The following SYN1 variants were observed in gnomAD, a reference collection of about 807,000 sequenced individuals.
SYN1 encodes synapsin-1.
SYN1 carries 8 observed loss-of-function variants against 44.6 expected under a neutral mutation model. The ratio of observed to expected loss-of-function variants is 0.18; its 90% CI spans 0.11 to 0.32. The LOEUF is 0.32. SYN1 is among the 10% of genes least tolerant of loss of function. SYN1 has a pLI of 1.00. For synonymous variants in SYN1, 275 were observed against 280.1 expected, an observed-to-expected ratio of 0.98 and a Z score of 0.18; for missense variants, 451 against 639.4, an observed-to-expected ratio of 0.71 and a Z score of 3.18.
intron 1 of SYN1, among the ~76,000 whole-genome samples, chrX:47,610,833 A>C (rs775180606): frequency 1.8e-5 from 2 of 111,738 alleles, no homozygotes; most frequent in African/African-American, 6.5e-5. Context: ...GGGCTCAAAG[A>C]AGCAGACATG....
rs772106134 is a variant in SYN1 at position 47,574,760 on chromosome X, C to T, written c.1321G>A (p.Ala441Thr). ...GSHGQTPSPG[A>T]LPLGRQTSQQ... ...GAGGTCTGGCGGCCCAAGGGCAGGG[C>T]CCCTGGGGACGGAGTCTGCGGCAGA... The change falls in exon 11 of 13, where the codon GCC (alanine) becomes ACC (threonine). Residue 441 changes from alanine (A) to threonine (T), a missense_variant. Coordinates refer to ENST00000295987, the MANE Select transcript of SYN1 (RefSeq NM_006950.3). 29 of 1,186,628 alleles carry T rather than the reference C, an allele frequency of 2.4e-5. 1 individual carries two copies. The South Asian group carries it at 5.0e-4, about 20-fold the overall frequency.
At chrX:47,605,421 G>A in intron 3 of SYN1, 42 bp from the exon 4 acceptor site, 2 of 1,199,812 alleles carry the variant, frequency 1.7e-6, no homozygotes, top group Non-Finnish European at 2.3e-6. Flanking sequence ...TCCCCCAGAA[G>A]CTCCCAATCA....
rs201072961 is a variant in SYN1 at position 47,586,696 on chromosome X, T to C, written c.775-9195A>G. On this transcript the variant is annotated intron_variant, in intron 5 of 12. Transcript: ENST00000295987. Reference sequence around the variant, plus strand: ...CTGCGGTCCCAGATAGCCTGAATCCTGCCCGGAGTGGAAGCTGAAGCCTGC... The same window carrying C: ...CTGCGGTCCCAGATAGCCTGAATCCCGCCCGGAGTGGAAGCTGAAGCCTGC... The C allele has an allele frequency of 1.5e-4, 178 of 1,205,355 alleles. No individual in the cohort carries two copies. In the East Asian group the frequency reaches 3.7e-3, roughly 25 times the overall value.
At chrX:47,589,378 G>T (rs2057839703) in intron 5 of SYN1, among the ~76,000 whole-genome samples, 1 of 108,093 alleles carries the variant, frequency 9.3e-6, no homozygotes, top group African/African-American at 3.4e-5. Flanking sequence ...CAGATCACGA[G>T]GTCAGGAGAT....
intron 5 of SYN1, chrX:47,585,873 A>C (rs1379507258): frequency 8.8e-7 from 1 of 1,140,525 alleles, no homozygotes; most frequent in South Asian, 1.9e-5. Context: ...CCCTGTGTCC[A>C]ATACCGTGTG....
intron 1 of SYN1, among the ~76,000 whole-genome samples, chrX:47,613,799 TA>T (rs1226140557): frequency 3.0e-4 from 33 of 111,791 alleles, no homozygotes; most frequent in African/African-American, 1.0e-3. Context: ...CAGCCACAGC[TA>T]AGATCCCAGG....
At chrX:47,611,670 C>T (rs1033734192) in intron 1 of SYN1, among the ~76,000 whole-genome samples, 5 of 111,712 alleles carry the variant, frequency 4.5e-5, no homozygotes, top group African/African-American at 1.6e-4. Context: ...GAATAGCACA[C>T]TGGACCACCA....
In SYN1 at chrX:47,575,078, C is replaced by T. The variant is rs1434236236; in HGVS notation, c.1305+50G>A. On this transcript the variant is annotated intron_variant, in intron 10 of 12. Coordinates refer to ENST00000295987, the MANE Select transcript of SYN1 (RefSeq NM_006950.3). ...TTCATGGCACAGCATGACCCAGGGC[C>T]GGCCTCCCCACACTAGCTCAAGCCA... The T allele has an allele frequency of 9.4e-6, 11 of 1,166,465 alleles. No individual in the cohort carries two copies. In the East Asian group the frequency reaches 9.7e-5, roughly 10 times the overall value.
intron 5 of SYN1, among the ~76,000 whole-genome samples, chrX:47,580,630 TA>T (rs775907262): frequency 2.5e-3 from 205 of 80,974 alleles, no homozygotes; most frequent in Middle Eastern, 9.1e-3. Flanking sequence ...AAACTCTGTC[TA>T]AAAAAAAAAA....
chrX:47,592,983 T>G (rs192149084), intron 5 of SYN1, among the ~76,000 whole-genome samples: 1,224 of 110,215 alleles, frequency 0.011, 12 homozygotes, highest in South Asian at 0.014. Flanking sequence ...TAAGTGATCC[T>G]CCCGCCTCAG....
rs942079382 is a variant in SYN1, at chrX:47,619,335, C to T, written c.377+17G>A. On this transcript the variant is annotated intron_variant, in intron 1 of 12. Coordinates refer to ENST00000295987, the MANE Select transcript of SYN1 (RefSeq NM_006950.3). ...GGGGACCCAGGCCCACGGGAGACGT[C>T]CGCGGCAGTGGCTTACCAGTCGGTG... 7.5e-6 allele frequency: 9 copies of T among 1,199,424 alleles called. No individual in the cohort carries two copies. Among genetic ancestry groups the T allele is most frequent in the Non-Finnish European group, 1.0e-5 (9 of 894,154 alleles).
At chrX:47,606,825 A>T in intron 3 of SYN1, 120 bp downstream of exon 3, 1 of 725,169 alleles carries the variant, frequency 1.4e-6, no homozygotes, top group Non-Finnish European at 2.1e-6. Context: ...GTCTCCCCAC[A>T]TTCCATGCCT....
In SYN1 at chrX:47,606,952, C is replaced by T. The variant is rs773865811; in HGVS notation, c.520G>A (p.Val174Ile). ...DMEVLRNGVKVVRSLKPDFVL... is the reference protein window; with the variant it reads ...DMEVLRNGVKIVRSLKPDFVL... The stretch of plus-strand genomic sequence containing the variant: ...TACCCTTCTTATACTCACCGCACGA[C>T]CTTCACCCCATTCCGAAGAACTTCC... The change falls in exon 3 of 13, where the codon GTC (valine) becomes ATC (isoleucine). Residue 174 changes from valine (V) to isoleucine (I), a missense_variant. Transcript: ENST00000295987. 1 of 1,209,595 alleles carries T rather than the reference C, an allele frequency of 8.3e-7. No individual in the cohort carries two copies. Among genetic ancestry groups the T allele is most frequent in the Non-Finnish European group, 1.1e-6 (1 of 894,353 alleles).
intron 5 of SYN1, among the ~76,000 whole-genome samples, chrX:47,602,202 G>A (rs2057881861): frequency 8.9e-6 from 1 of 112,121 alleles, no homozygotes; most frequent in Admixed American, 9.5e-5. Flanking sequence ...GGTACAGGGC[G>A]TTTAAGTAAC....
At chrX:47,618,816 T>C in intron 1 of SYN1, among the ~76,000 whole-genome samples, 2 of 111,680 alleles carry the variant, frequency 1.8e-5, no homozygotes, top group Non-Finnish European at 3.8e-5. Context: ...GTGGGACACA[T>C]AGCATAGACT....
At chrX:47,575,682 C>T (rs1216027496) in intron 9 of SYN1, among the ~76,000 whole-genome samples, 1 of 112,256 alleles carries the variant, frequency 8.9e-6, no homozygotes, top group Non-Finnish European at 1.9e-5. Flanking sequence ...TCTATGGCTG[C>T]TTTTGCAGAG....
In SYN1 at chrX:47,619,404, C is replaced by T. The variant is rs757083247; in HGVS notation, c.325G>A (p.Gly109Arg). The change falls in exon 1 of 13, where the codon GGG becomes AGG. Residue 109 changes from glycine (G) to arginine (R), a missense_variant. This residue lies in a region of SYN1 where 315 missense variants were observed against 451.4 expected (regional missense o/e 0.70). Coordinates refer to ENST00000295987, the MANE Select transcript of SYN1 (RefSeq NM_006950.3). The part of the protein sequence containing the change: ...VGGGSGGAGR[G>R]GAASRVLLVI... The stretch of plus-strand genomic sequence containing the variant: ...AGCAGCACCCTGGAGGCGGCTCCCC[C>T]GCGGCCTGCGCCCCCAGAGCCGCCG... The T allele has an allele frequency of 8.4e-7, 1 of 1,188,976 alleles. No homozygotes were observed. Among genetic ancestry groups the T allele is most frequent in the Admixed American group, 2.2e-5 (1 of 44,571 alleles).
intron 5 of SYN1, chrX:47,583,529 C>T (rs762556911): frequency 1.2e-5 from 14 of 1,195,000 alleles, no homozygotes; most frequent in South Asian, 3.7e-5. Context: ...TCTGCAATTC[C>T]GACCTCGGTG....
intron 5 of SYN1, chrX:47,585,070 A>G: frequency 1.7e-6 from 2 of 1,189,978 alleles, no homozygotes; most frequent in Non-Finnish European, 2.3e-6. Flanking sequence ...CCTCCTGGTC[A>G]AAACAGAAAC....
Sources: allele counts gnomAD v4.1 joint callset (sites outside exome capture counted in the v4.1 genomes callset), GRCh38; gene constraint gnomAD v4.1.1; regional missense constraint gnomAD v4.1.1; transcripts MANE v1.5; gene names NCBI Gene and HGNC (gene_info 2026-07-23, HGNC 2026-07-21).